FAR2: variants seen among roughly 807,000 people sequenced by gnomAD.
FAR2 encodes the protein fatty acyl-CoA reductase 2.
A neutral mutation model predicts 56.0 loss-of-function variants in FAR2; 19 were observed. The observed-to-expected ratio is 0.34, with a 90% CI of 0.24 to 0.50. FAR2 has a LOEUF of 0.50. FAR2 is among the 20% of genes least tolerant of loss of function. FAR2 has a pLI of 0.98. For synonymous variants in FAR2, 219 were observed against 218.8 expected (o/e 1.00, Z -0.01); for missense variants, 508 against 642.2 (o/e 0.79, Z 2.26).
At chr12:29,312,455 C>T (rs1591959729) in intron 8 of FAR2, among the ~76,000 whole-genome samples, 1 of 152,022 alleles carries the variant, frequency 6.6e-6, no homozygotes, top group Non-Finnish European at 1.5e-5. Flanking sequence ...ACTCCACTAG[C>T]GATTTGTAAA....
At chr12:29,328,914 AAAAC>A (rs1949689797) in intron 10 of FAR2, among the ~76,000 whole-genome samples, 1 of 152,086 alleles carries the variant, frequency 6.6e-6, no homozygotes, top group South Asian at 2.1e-4. Flanking sequence ...AAAAGAAAAA[AAAAC>A]AATATATCAG....
At chr12:29,295,225 C>G (rs181406459) in intron 3 of FAR2, among the ~76,000 whole-genome samples, 40 of 152,230 alleles carry the variant, frequency 2.6e-4, no homozygotes, top group African/African-American at 8.4e-4. Flanking sequence ...AGGCACCCAC[C>G]ACCATGCCTA....
intron 1 of FAR2, among the ~76,000 whole-genome samples, chr12:29,177,834 C>CA (rs11462609): frequency 0.7 from 105,380 of 151,576 alleles, 37,352 homozygotes; most frequent in Non-Finnish European, 0.77. Flanking sequence ...AGTATAAGCA[C>CA]AAAAAAAACA....
At chr12:29,246,636 G>A (rs189999194) in intron 1 of FAR2, among the ~76,000 whole-genome samples, 11 of 151,856 alleles carry the variant, frequency 7.2e-5, no homozygotes, top group African/African-American at 1.7e-4. Context: ...GAACTATATC[G>A]CAGAGTGTAG....
At chr12:29,175,705 T>G (rs886484553) in intron 1 of FAR2, among the ~76,000 whole-genome samples, 1 of 152,104 alleles carries the variant, frequency 6.6e-6, no homozygotes, top group Non-Finnish European at 1.5e-5. Flanking sequence ...AGACACAGAG[T>G]GCTGATTTGG....
chr12:29,238,565 T>C lies in FAR2; in HGVS notation c.-38-31847T>C, dbSNP rs1294912857. Among the ~76,000 whole-genome samples the C allele has an allele frequency of 7.2e-5, 11 of 152,222 alleles. No homozygotes were observed. The East Asian group carries it at 1.9e-3, about 27-fold the overall frequency. On this transcript the variant is annotated intron_variant, in intron 1 of 11. Coordinates refer to ENST00000536681, the MANE Select transcript of FAR2 (RefSeq NM_001271783.2). The stretch of plus-strand genomic sequence containing the variant: ...GGGTACTTAATACATTTTAAGAGTA[T>C]AGAGAAATCCTGAGACAAAATGTTT...
At chr12:29,293,741 C>A (rs7980369) in intron 3 of FAR2, among the ~76,000 whole-genome samples, 9,981 of 152,076 alleles carry the variant, frequency 0.066, 1,023 homozygotes, top group African/African-American at 0.22. Flanking sequence ...TGATGTTTTG[C>A]AACCTGCTCA....
At chr12:29,296,900 TG>T in intron 3 of FAR2, 120 bp from the exon 4 acceptor site, 1 of 784,298 alleles carries the variant, frequency 1.3e-6, no homozygotes, top group Non-Finnish European at 2.1e-6. Flanking sequence ...CTTCTCTTCC[TG>T]GTGTTTTGGT....
At chr12:29,319,650 G>A (rs1949519964) in intron 9 of FAR2, among the ~76,000 whole-genome samples, 1 of 152,178 alleles carries the variant, frequency 6.6e-6, no homozygotes, top group African/African-American at 2.4e-5. Flanking sequence ...TTAGGAACAT[G>A]GAGTTTGGAG....
intron 2 of FAR2, among the ~76,000 whole-genome samples, chr12:29,275,154 C>A (rs896689157): frequency 6.6e-6 from 1 of 150,538 alleles, no homozygotes; most frequent in Admixed American, 6.6e-5. Flanking sequence ...GGGCTGAGTC[C>A]GAAAAGAGAG....
Position 29,316,907 on chromosome 12 carries a change from A to C in FAR2, c.1022A>C (p.Asn341Thr). 6.2e-7 allele frequency: 1 copy of C among 1,614,062 alleles called. No individual in the cohort carries two copies. Among genetic ancestry groups the C allele is most frequent in the Non-Finnish European group, 8.5e-7 (1 of 1,179,986 alleles). The change falls in exon 9 of 12, where the codon AAT becomes ACT. Residue 341 changes from asparagine (N) to threonine (T), a missense_variant. Physicochemically the swap from Asn to Thr is moderately conservative, Grantham distance 65 (BLOSUM62 0). Transcript: ENST00000536681. Reference sequence around the variant, plus strand: ...AGACCTTTCAGGAGGCCAAATGCTAATTTTACCAGCAACAGCTTCACATCA... The same window carrying C: ...AGACCTTTCAGGAGGCCAAATGCTACTTTTACCAGCAACAGCTTCACATCA... Reference protein sequence around the residue: ...FERPFRRPNANFTSNSFTSQY... With the variant: ...FERPFRRPNATFTSNSFTSQY...
chr12:29,178,024 A>C (rs1419659832), intron 1 of FAR2, among the ~76,000 whole-genome samples: 8 of 152,156 alleles, frequency 5.3e-5, no homozygotes, highest in Admixed American at 5.2e-4. Flanking sequence ...TGCCTCTAAA[A>C]TTTCAAATGC....
rs570809592 is a variant in FAR2 at position 29,335,340 on chromosome 12, A to G, written c.*1546A>G. On this transcript the variant is annotated 3_prime_UTR_variant, in exon 12 of 12. Coordinates refer to ENST00000536681, the MANE Select transcript of FAR2 (RefSeq NM_001271783.2). ...CCCAATCTCATCTAAATTCTGGGAA[A>G]TATTTTCCATAGCAGACAACCCAGC... 1 of 152,290 alleles carries G rather than the reference A, an allele frequency of 6.6e-6. No individual in the cohort carries two copies. Among genetic ancestry groups the G allele is most frequent in the East Asian group, 1.9e-4 (1 of 5,176 alleles). 9.4% of individuals were successfully genotyped at this position (152,290 alleles called of 1,614,324 possible).
rs1948646112 is a variant in FAR2 at position 29,273,084 on chromosome 12, T to C, written c.189+2446T>C. ...CCAGTAGGATTGCTCCTGTATAGAG[T>C]GTCTGACAACCCCTGTAGGAAGGTC... On this transcript the variant is annotated intron_variant, in intron 2 of 11. Coordinates refer to ENST00000536681, the MANE Select transcript of FAR2 (RefSeq NM_001271783.2). Among the ~76,000 whole-genome samples, 4 of 151,978 alleles carry C rather than the reference T, an allele frequency of 2.6e-5. No homozygotes were observed. The South Asian group carries it at 8.3e-4, about 32-fold the overall frequency.
chr12:29,239,558 C>A (rs533802132), intron 1 of FAR2, among the ~76,000 whole-genome samples: 1 of 151,666 alleles, frequency 6.6e-6, no homozygotes, highest in South Asian at 2.1e-4. Flanking sequence ...TCTTGAGTAA[C>A]AGCTCCCAAA....
intron 1 of FAR2, among the ~76,000 whole-genome samples, chr12:29,210,245 A>G (rs1033215077): frequency 7.2e-5 from 11 of 152,188 alleles, no homozygotes; most frequent in Non-Finnish European, 1.2e-4. Flanking sequence ...AATTAGTTAA[A>G]TTAATTCTGT....
intron 2 of FAR2, chr12:29,282,047 A>C (rs1180703418): frequency 1.3e-5 from 2 of 152,206 alleles, no homozygotes; most frequent in African/African-American, 4.8e-5. Flanking sequence ...CCCTTAAGTA[A>C]TAGCCCTATA....
chr12:29,246,895 A>C lies in FAR2; in HGVS notation c.-38-23517A>C, dbSNP rs544860158. ...TCTAACATGGAACAAGTTCCTATGG[A>C]GACAATTTTGGTAGGGAAATTATTA... On this transcript the variant is annotated intron_variant, in intron 1 of 11. Transcript: ENST00000536681. Among the ~76,000 whole-genome samples, 174 of 149,012 alleles carry C rather than the reference A, an allele frequency of 1.2e-3. 1 individual carries two copies. The highest frequency in any genetic ancestry group is 4.3e-3 in the African/African-American group (171 of 40,190).
intron 1 of FAR2, among the ~76,000 whole-genome samples, chr12:29,254,994 A>G (rs1948294721): frequency 6.6e-6 from 1 of 152,036 alleles, no homozygotes; most frequent in African/African-American, 2.4e-5. Flanking sequence ...AATAGTTGAT[A>G]TCAATGATTG....
Sources: gnomAD v4.1 joint callset for allele counts (sites outside exome capture counted in the v4.1 genomes callset) on GRCh38, gnomAD v4.1.1 for gene constraint, MANE v1.5 for transcripts, NCBI Gene and HGNC (gene_info 2026-07-23, HGNC 2026-07-21) for gene names.